Variants in USP33 observed in about 807,000 individuals in gnomAD.
USP33 encodes ubiquitin specific peptidase 33, also known as ubiquitin carboxyl-terminal hydrolase 33.
Under a neutral mutation model 124.2 loss-of-function variants are expected in USP33, and 46 were observed. That is an observed-to-expected ratio of 0.37 (90% CI 0.29 to 0.47). USP33 has a LOEUF of 0.47. Among genes scored for constraint, USP33 ranks in the 20% least tolerant of loss-of-function variants. The pLI is 0.99. For missense variants in USP33, 851 were observed against 1,070.6 expected, an observed-to-expected ratio of 0.79 and a Z score of 2.86; for synonymous variants, 350 against 352.3, an observed-to-expected ratio of 0.99 and a Z score of 0.07.
At chr1:77,728,905 G>C (rs1219624536) in intron 9 of USP33, among the ~76,000 whole-genome samples, 193 bp from the exon 10 acceptor site, 2 of 152,040 alleles carry the variant, frequency 1.3e-5, no homozygotes, top group African/African-American at 4.8e-5. Context: ...GTAAATAAAA[G>C]TTTTCTTTTT....
rs1676174949 is a variant in USP33, at chr1:77,718,526, TAC to T, written c.1737+68_1737+69del. 3 of 1,194,128 alleles carry T rather than the reference TAC, an allele frequency of 2.5e-6. No individual in the cohort carries two copies. The Admixed American group carries it at 6.2e-5, about 25-fold the overall frequency. 74.0% of individuals were successfully genotyped at this position (1,194,128 alleles called of 1,614,324 possible). A position where few individuals can be genotyped will look rare whatever the true frequency, so the allele number is the denominator to read the frequency against. ...CAACCAAGCAAAGAGAATTTATTAC[TAC>T]ATTTTGTTACATTAATACTTTATGT... On this transcript the variant is annotated intron_variant, in intron 16 of 23. Transcript: ENST00000370794.
intron 22 of USP33, among the ~76,000 whole-genome samples, 183 bp downstream of exon 22, chr1:77,701,186 A>C (rs1401859332): frequency 6.6e-6 from 1 of 152,172 alleles, no homozygotes; most frequent in Non-Finnish European, 1.5e-5. Flanking sequence ...TAATTCATAA[A>C]ATAAGTTTAA....
At chr1:77,751,301 C>T (rs1273831075) in intron 1 of USP33, among the ~76,000 whole-genome samples, 2 of 152,170 alleles carry the variant, frequency 1.3e-5, no homozygotes, top group East Asian at 3.9e-4. Flanking sequence ...ACTGCACTCA[C>T]GCTCTATGAT....
In USP33 at chr1:77,701,360, A is replaced by G; in HGVS notation, c.2509+9T>C. On this transcript the variant is annotated intron_variant, in intron 22 of 23. Coordinates refer to ENST00000370794, the MANE Select transcript of USP33 (RefSeq NM_201624.3). ...TTACCAAAAAAAAATTTTTCAGTCA[A>G]CCACTTACCTCCATCTTTACCCTTC... is the stretch of plus-strand genomic sequence containing the variant. The G allele has an allele frequency of 6.3e-7, 1 of 1,580,528 alleles. No homozygotes were observed. Among genetic ancestry groups the G allele is most frequent in the East Asian group, 2.2e-5 (1 of 44,534 alleles).
At position 77,730,694 on chromosome 1, in the gene USP33, G is replaced by A; in HGVS notation, c.562C>T (p.Leu188=). 8 of 1,589,618 alleles carry A rather than the reference G, an allele frequency of 5.0e-6. No individual in the cohort carries two copies. Among genetic ancestry groups the A allele is most frequent in the South Asian group, 1.2e-5 (1 of 86,456 alleles). ...LTQFFLDCGG[L]ARTDKKPAIC... ...GCAGGTTTCTTATCTGTTCGAGCTA[G>A]TCCTCCACAATCAAGAAAAAACTGT... is the stretch of plus-strand genomic sequence containing the variant. Residue 188 remains leucine (L), a synonymous_variant, in exon 8 of 24, where the codon CTA becomes TTA. Transcript: ENST00000370794.
At chr1:77,706,589 G>T (rs1421248424) in intron 21 of USP33, among the ~76,000 whole-genome samples, 1 of 152,154 alleles carries the variant, frequency 6.6e-6, no homozygotes, top group Non-Finnish European at 1.5e-5. Flanking sequence ...TCTGACCATG[G>T]AAGTCATTTT....
At chr1:77,708,014 A>C (rs766614602) in intron 21 of USP33, among the ~76,000 whole-genome samples, 1 of 152,208 alleles carries the variant, frequency 6.6e-6, no homozygotes, top group Non-Finnish European at 1.5e-5. Flanking sequence ...TGGGTCTCCC[A>C]AATATGGGGA....
chr1:77,724,110 G>T (rs1239041097), intron 11 of USP33, among the ~76,000 whole-genome samples: 1 of 152,106 alleles, frequency 6.6e-6, no homozygotes, highest in East Asian at 1.9e-4. Flanking sequence ...AAGAAGAGGG[G>T]AAGAGGTTAG....
chr1:77,720,262 A>T, intron 15 of USP33: 1 of 960,164 alleles, frequency 1.0e-6, no homozygotes, highest in Non-Finnish European at 1.2e-6. Context: ...ATTAATATAC[A>T]TTTGACAGAT....
chr1:77,706,351 T>C (rs957708988), intron 21 of USP33, among the ~76,000 whole-genome samples: 5 of 152,252 alleles, frequency 3.3e-5, no homozygotes, highest in African/African-American at 1.2e-4. Flanking sequence ...GGGTAATTCC[T>C]ATCCAAATTT....
At position 77,711,141 on chromosome 1, in the gene USP33, T is replaced by G. The variant is rs188580691; in HGVS notation, c.2406+606A>C. ...TGGATAGACTACAGACAACACTAAC[T>G]TAAGGAAACCTGTAATTTTCCATTT... On this transcript the variant is annotated intron_variant, in intron 21 of 23. Coordinates refer to ENST00000370794, the MANE Select transcript of USP33 (RefSeq NM_201624.3). Among the ~76,000 whole-genome samples, 360 of 152,038 alleles carry G rather than the reference T, an allele frequency of 2.4e-3. 1 individual carries two copies. Among genetic ancestry groups the G allele is most frequent in the Non-Finnish European group, 3.3e-3 (221 of 67,988 alleles).
Position 77,697,160 on chromosome 1 carries a change from A to T in USP33, c.*157T>A. ...CAACCTGTGGTATATTACACATTTT[A>T]ATATATTCTTCCATAATGCCCACTA... On this transcript the variant is annotated 3_prime_UTR_variant, in exon 24 of 24. Transcript: ENST00000370794. 1.5e-6 allele frequency: 1 copy of T among 662,590 alleles called. No homozygotes were observed. The highest frequency in any genetic ancestry group is 2.5e-6 in the Non-Finnish European group (1 of 406,160). 41.0% of individuals were successfully genotyped at this position (662,590 alleles called of 1,614,324 possible). A position where few individuals can be genotyped will look rare whatever the true frequency, so the allele number is the denominator to read the frequency against.
At chr1:77,718,256 T>C (rs1232369094) in intron 16 of USP33, among the ~76,000 whole-genome samples, 1 of 152,204 alleles carries the variant, frequency 6.6e-6, no homozygotes, top group Non-Finnish European at 1.5e-5. Flanking sequence ...CAAGGTTAAG[T>C]ATTGATCTGC....
At chr1:77,735,617 G>A (rs986821088) in intron 6 of USP33, among the ~76,000 whole-genome samples, 1 of 152,098 alleles carries the variant, frequency 6.6e-6, no homozygotes, top group Non-Finnish European at 1.5e-5. Context: ...AGAACAGTGG[G>A]CCTAAAAGAA....
intron 1 of USP33, among the ~76,000 whole-genome samples, chr1:77,758,259 C>T (rs1303335222): frequency 1.4e-5 from 2 of 140,148 alleles, no homozygotes; most frequent in Non-Finnish European, 3.0e-5. Context: ...CGGCTCATTG[C>T]AAGCTCTGCC....
In USP33 at chr1:77,730,731, G is replaced by A; in HGVS notation, c.525C>T (p.Cys175=). 1.3e-6 allele frequency: 2 copies of A among 1,560,150 alleles called. No individual in the cohort carries two copies. The highest frequency in any genetic ancestry group is 1.7e-6 in the Non-Finnish European group (2 of 1,152,908). The stretch of plus-strand genomic sequence containing the variant: ...CAAGAAAAAACTGTGTCAAAGGTGG[G>A]CTAATTTTAAAAAGAGAAAAATGTT... ...MNAALQALSN[C]PPLTQFFLDC... Residue 175 remains cysteine (C), a splice_region_variant and synonymous_variant, in exon 8 of 24, where the codon TGC becomes TGT. Coordinates refer to ENST00000370794, the MANE Select transcript of USP33 (RefSeq NM_201624.3).
At chr1:77,709,661 T>C (rs189018888) in intron 21 of USP33, among the ~76,000 whole-genome samples, 3 of 150,198 alleles carry the variant, frequency 2.0e-5, no homozygotes, top group Admixed American at 6.6e-5. Context: ...TAGATAGATC[T>C]ATATATATAT....
rs768173808 is a variant in USP33 at position 77,728,380 on chromosome 1, A to G, written c.1050T>C (p.Phe350=). The part of the protein sequence containing the change: ...KINKVNSEGE[F]DKDRDSISET... ...CAGATATAGAGTCTCTATCTTTATC[A>G]AATTCGCCTTCAGAATTTACTTTAT... The change falls in exon 10 of 24, where the codon TTT becomes TTC. Residue 350 remains phenylalanine (F), a synonymous_variant. Transcript: ENST00000370794. 25 of 1,613,834 alleles carry G rather than the reference A, an allele frequency of 1.5e-5. No individual in the cohort carries two copies. The highest frequency in any genetic ancestry group is 2.1e-5 in the Non-Finnish European group (25 of 1,179,994).
At chr1:77,751,185 T>C (rs948653498) in intron 1 of USP33, among the ~76,000 whole-genome samples, 34 of 152,216 alleles carry the variant, frequency 2.2e-4, no homozygotes, top group Admixed American at 2.2e-3. Context: ...TAATCTTGTA[T>C]CTGGCAGCTT....
Sources: allele counts gnomAD v4.1 joint callset (sites outside exome capture counted in the v4.1 genomes callset), GRCh38; gene constraint gnomAD v4.1.1; transcripts MANE v1.5; gene names NCBI Gene and HGNC (gene_info 2026-07-23, HGNC 2026-07-21).